Variants in SYT16 observed in about 807,000 individuals in gnomAD.
The protein encoded by SYT16 is synaptotagmin 16.
In SYT16, 42 loss-of-function variants were observed where a neutral mutation model predicts 61.4. The ratio of observed to expected loss-of-function variants is 0.68; its 90% CI spans 0.53 to 0.89. The LOEUF (loss-of-function observed/expected upper bound fraction) is 0.89, where lower values mean the gene tolerates loss of function less well. Ranked by LOEUF, SYT16 falls within the 40% of genes least tolerant of loss-of-function variation. The probability of loss-of-function intolerance (pLI) is 0.00; values close to 1 mark genes in which losing one functional copy is unlikely to be tolerated. For missense variants in SYT16, 804 were observed against 807.3 expected (o/e 1.00, Z 0.05); for synonymous variants, 314 against 302.3 (o/e 1.04, Z -0.40).
chr14:61,971,925 G>A lies in SYT16; in HGVS notation c.-145+1614G>A, dbSNP rs563763445. Among the ~76,000 whole-genome samples, 14 of 152,318 alleles carry A rather than the reference G, an allele frequency of 9.2e-5. No homozygotes were observed. In the East Asian group the frequency reaches 9.6e-4, roughly 10 times the overall value. ...CAGCTGGGGCATAGGTGAGTGAGACGAACAGATGTCTGTTTGGCCATGGGG... is the reference window on the plus strand; with the variant it reads ...CAGCTGGGGCATAGGTGAGTGAGACAAACAGATGTCTGTTTGGCCATGGGG... On this transcript the variant is annotated intron_variant, in intron 2 of 7. Transcript: ENST00000683842.
At chr14:61,986,903 A>G (rs1368772197) in intron 2 of SYT16, among the ~76,000 whole-genome samples, 1 of 152,176 alleles carries the variant, frequency 6.6e-6, no homozygotes, top group Non-Finnish European at 1.5e-5. Context: ...TATGGTAGTC[A>G]GTTACTCTGC....
chr14:61,843,376 T>G (rs1194806287), intron 1 of SYT16, among the ~76,000 whole-genome samples: 2 of 152,236 alleles, frequency 1.3e-5, no homozygotes, highest in African/African-American at 2.4e-5. Context: ...TTGTTGATTG[T>G]TTCCTTTGCT....
intron 1 of SYT16, among the ~76,000 whole-genome samples, chr14:61,949,690 C>T (rs1449446994): frequency 2.6e-5 from 4 of 152,114 alleles, no homozygotes; most frequent in East Asian, 1.9e-4. Flanking sequence ...TTATTGGATG[C>T]GGCAATAGGT....
chr14:61,845,685 T>C lies in SYT16; in HGVS notation c.-325+32875T>C, dbSNP rs115367872. On this transcript the variant is annotated intron_variant, in intron 1 of 7. Transcript: ENST00000683842. ...TTTGTATTCTTCATTTCAAATTTATTTCCGTTCTGATCTTTATTTCTTTTC... is the reference window on the plus strand; with the variant it reads ...TTTGTATTCTTCATTTCAAATTTATCTCCGTTCTGATCTTTATTTCTTTTC... Among the ~76,000 whole-genome samples, 695 of 152,332 alleles carry C rather than the reference T, an allele frequency of 4.6e-3. 3 individuals carry two copies. The highest frequency in any genetic ancestry group is 0.016 in the African/African-American group (655 of 41,588).
chr14:61,950,695 T>G (rs1165148590), intron 1 of SYT16, among the ~76,000 whole-genome samples: 3 of 152,176 alleles, frequency 2.0e-5, no homozygotes, highest in Non-Finnish European at 4.4e-5. Flanking sequence ...TAGCAGCTGA[T>G]AATGAAAAAT....
intron 3 of SYT16, among the ~76,000 whole-genome samples, chr14:62,047,451 T>C (rs1404120110): frequency 6.6e-6 from 1 of 152,222 alleles, no homozygotes; most frequent in South Asian, 2.1e-4. Flanking sequence ...CTTTTCCTAA[T>C]TGAATGCCCG....
chr14:62,059,677 A>ATAATTTATGTATATG (rs1555378056), intron 3 of SYT16, among the ~76,000 whole-genome samples: 11 of 146,708 alleles, frequency 7.5e-5, no homozygotes, highest in African/African-American at 2.5e-4. Flanking sequence ...ATACATATAT[A>ATAATTTATGTATATG]TAATTTATAT....
At chr14:61,954,090 G>T (rs1226237656) in intron 1 of SYT16, among the ~76,000 whole-genome samples, 2 of 152,146 alleles carry the variant, frequency 1.3e-5, no homozygotes, top group Non-Finnish European at 2.9e-5. Flanking sequence ...ATTTACCTCA[G>T]GCTTTCCTCA....
intron 1 of SYT16, among the ~76,000 whole-genome samples, chr14:61,827,194 C>G (rs867466435): frequency 1.3e-5 from 2 of 152,170 alleles, no homozygotes; most frequent in South Asian, 2.1e-4. Context: ...AGGCTTGGCT[C>G]TCTGTACATC....
intron 3 of SYT16, among the ~76,000 whole-genome samples, chr14:62,039,560 G>T (rs1245037875): frequency 3.3e-5 from 5 of 152,040 alleles, no homozygotes; most frequent in African/African-American, 1.2e-4. Flanking sequence ...AGCTAGTCAA[G>T]ATAGAAGACA....
intron 1 of SYT16, among the ~76,000 whole-genome samples, chr14:61,881,512 A>T (rs1002010935): frequency 6.6e-6 from 1 of 152,200 alleles, no homozygotes; most frequent in Non-Finnish European, 1.5e-5. Context: ...GCATCATTTG[A>T]TGTAATTAGC....
intron 3 of SYT16, among the ~76,000 whole-genome samples, chr14:62,060,500 A>T (rs2055777823): frequency 7.6e-6 from 1 of 131,138 alleles, no homozygotes. Context: ...AAATATCCAT[A>T]GGATGGTGAA....
intron 5 of SYT16, among the ~76,000 whole-genome samples, chr14:62,078,130 G>GTT (rs2056565771): frequency 7.7e-6 from 1 of 129,858 alleles, no homozygotes; most frequent in Admixed American, 7.4e-5. Flanking sequence ...TCTCTCTAGT[G>GTT]CTCTCTCGCT....
At chr14:61,871,923 T>G (rs989877861) in intron 1 of SYT16, among the ~76,000 whole-genome samples, 1 of 152,186 alleles carries the variant, frequency 6.6e-6, no homozygotes, top group African/African-American at 2.4e-5. Flanking sequence ...ATTATCACTG[T>G]TCCATTTTTA....
intron 1 of SYT16, among the ~76,000 whole-genome samples, chr14:61,911,341 A>T (rs942835250): frequency 3.3e-5 from 5 of 152,164 alleles, no homozygotes; most frequent in Admixed American, 6.5e-5. Flanking sequence ...TGATTTAGGT[A>T]GTTTTAAGTA....
chr14:61,840,174 A>G (rs1260312678), intron 1 of SYT16, among the ~76,000 whole-genome samples: 2 of 152,180 alleles, frequency 1.3e-5, no homozygotes, highest in African/African-American at 4.8e-5. Flanking sequence ...TCACATTGAG[A>G]CAGAAGATAA....
intron 1 of SYT16, among the ~76,000 whole-genome samples, chr14:61,920,351 T>C (rs1369764462): frequency 6.6e-6 from 1 of 152,178 alleles, no homozygotes; most frequent in Non-Finnish European, 1.5e-5. Context: ...TTGCTGCACC[T>C]CACCTATCAA....
chr14:61,916,937 C>G (rs191056515), intron 1 of SYT16, among the ~76,000 whole-genome samples: 259 of 152,084 alleles, frequency 1.7e-3, no homozygotes, highest in Non-Finnish European at 2.9e-3. Context: ...TTTTTTTAAC[C>G]AAATAGTATT....
intron 1 of SYT16, among the ~76,000 whole-genome samples, chr14:61,901,754 A>AT (rs2048523239): frequency 6.8e-6 from 1 of 147,116 alleles, no homozygotes; most frequent in Admixed American, 6.8e-5. Context: ...AATAATAATA[A>AT]TAATAATAAT....
Sources: gnomAD v4.1 joint callset for allele counts (sites outside exome capture counted in the v4.1 genomes callset) on GRCh38, gnomAD v4.1.1 for gene constraint, MANE v1.5 for transcripts, NCBI Gene and HGNC (gene_info 2026-07-23, HGNC 2026-07-21) for gene names.